ABCB5: variants seen among roughly 807,000 people sequenced by gnomAD.
The protein encoded by ABCB5 is ATP binding cassette subfamily B member 5, also known as ATP-binding cassette sub-family B member 5.
Under a neutral mutation model 144.2 loss-of-function variants are expected in ABCB5, and 155 were observed. That is an observed-to-expected ratio of 1.08 (90% CI 0.94 to 1.23). ABCB5 has a LOEUF of 1.23. Ranked by LOEUF, ABCB5 falls within the 50% of genes most tolerant of loss-of-function variation. The pLI is 0.00. For missense variants in ABCB5, 1,830 were observed against 1,520.8 expected (o/e 1.20, Z -3.38); for synonymous variants, 610 against 528.6 (o/e 1.15, Z -2.11).
intron 20 of ABCB5, among the ~76,000 whole-genome samples, chr7:20,713,994 T>G (rs1169426896): frequency 6.6e-6 from 1 of 152,226 alleles, no homozygotes; most frequent in East Asian, 1.9e-4. Context: ...CACTGCCACC[T>G]GGAAACTCTT....
At position 20,745,500 on chromosome 7, in the gene ABCB5, G is replaced by GC; in HGVS notation, c.3429+64dup. Reference sequence around the variant, plus strand: ...CCAAGTAAGGCTAAGTAGCTACTGGGCCTATGCAGTTGTTTTTATGTATTC... The same window carrying GC: ...CCAAGTAAGGCTAAGTAGCTACTGGGCCCTATGCAGTTGTTTTTATGTATTC... On this transcript the variant is annotated intron_variant, in intron 26 of 27. Coordinates refer to ENST00000404938, the MANE Select transcript of ABCB5 (RefSeq NM_001163941.2). 2.1e-6 allele frequency: 3 copies of GC among 1,460,886 alleles called. No individual in the cohort carries two copies. In the East Asian group the frequency reaches 6.9e-5, roughly 34 times the overall value. 90.5% of individuals were successfully genotyped at this position (1,460,886 alleles called of 1,614,324 possible).
chr7:20,685,401 T>C (rs1181987967), intron 15 of ABCB5, among the ~76,000 whole-genome samples: 2 of 152,194 alleles, frequency 1.3e-5, no homozygotes, highest in Non-Finnish European at 2.9e-5. Context: ...CTCCTGTTAC[T>C]AAGATCTCTC....
Position 20,715,876 on chromosome 7 carries a change from C to G in ABCB5, c.2422-7140C>G, listed in dbSNP as rs190251643. On this transcript the variant is annotated intron_variant, in intron 20 of 27. Transcript: ENST00000404938. ...CTGGGACTACAGGTGCCCACCACCA[C>G]GCCCAGCTAATTTTTGTATTTTTAG... Among the ~76,000 whole-genome samples, 69 of 152,092 alleles carry G rather than the reference C, an allele frequency of 4.5e-4. 1 individual carries two copies. In the East Asian group the frequency reaches 0.011, roughly 25 times the overall value.
chr7:20,736,709 C>T (rs573133229), intron 23 of ABCB5, among the ~76,000 whole-genome samples: 14 of 152,274 alleles, frequency 9.2e-5, no homozygotes, highest in Admixed American at 1.3e-4. Flanking sequence ...AACTATGTTA[C>T]GGAGTTACAG....
intron 15 of ABCB5, among the ~76,000 whole-genome samples, chr7:20,683,986 C>A (rs997489810): frequency 5.1e-5 from 7 of 136,136 alleles, no homozygotes; most frequent in Admixed American, 7.5e-5. Flanking sequence ...TAGTCCTTGG[C>A]AAGTTATTTA....
At chr7:20,726,369 T>TTTC (rs1343466257) in intron 21 of ABCB5, among the ~76,000 whole-genome samples, 1 of 137,936 alleles carries the variant, frequency 7.2e-6, no homozygotes, top group East Asian at 2.1e-4. Context: ...TTTTTTTTTT[T>TTTC]TTTTTTTTTT....
intron 25 of ABCB5, among the ~76,000 whole-genome samples, 166 bp downstream of exon 25, chr7:20,743,240 T>C (rs1361616609): frequency 1.3e-5 from 2 of 152,050 alleles, no homozygotes; most frequent in African/African-American, 4.8e-5. Flanking sequence ...AAGCAAACCA[T>C]CACAAAAATG....
chr7:20,624,114 C>G (rs1783858166), intron 2 of ABCB5, among the ~76,000 whole-genome samples: 1 of 152,122 alleles, frequency 6.6e-6, no homozygotes, highest in African/African-American at 2.4e-5. Context: ...GCACCTTTTC[C>G]TCATAAATTC....
In ABCB5 at chr7:20,756,046, T is replaced by C. The variant is rs2128058799; in HGVS notation, c.*422T>C. ...GCATTGCAGGGAGAGTGTCTTTCAC[T>C]TGGAATTTTGTTTTGCAGCACATAT... On this transcript the variant is annotated 3_prime_UTR_variant, in exon 28 of 28. Coordinates refer to ENST00000404938, the MANE Select transcript of ABCB5 (RefSeq NM_001163941.2). The C allele has an allele frequency of 5.9e-6, 1 of 169,420 alleles. No homozygotes were observed. The highest frequency in any genetic ancestry group is 1.5e-4 in the South Asian group (1 of 6,560). The allele number at this position is 169,420 out of a possible 1,614,324, so 10.5% of individuals were successfully genotyped here.
In ABCB5 at chr7:20,643,239, C is replaced by A; in HGVS notation, c.370C>A (p.Gln124Lys). 3 of 1,613,608 alleles carry A rather than the reference C, an allele frequency of 1.9e-6. No individual in the cohort carries two copies. Among genetic ancestry groups the A allele is most frequent in the Non-Finnish European group, 1.7e-6 (2 of 1,179,722 alleles). ...TGCTGCCTTGATTTTTGGTTACATA[C>A]AGATTTCCTTGTGGATTATAACTGC... Reference protein sequence around the residue: ...GVAALIFGYIQISLWIITAAR... With the variant: ...GVAALIFGYIKISLWIITAAR... The change falls in exon 6 of 28, where the codon CAG becomes AAG. Residue 124 changes from glutamine (Q) to lysine (K), a missense_variant. Coordinates refer to ENST00000404938, the MANE Select transcript of ABCB5 (RefSeq NM_001163941.2).
At position 20,756,772 on chromosome 7, in the gene ABCB5, C is replaced by T. The variant is rs1229332885; in HGVS notation, c.*1148C>T. 1 of 152,080 alleles carries T rather than the reference C, an allele frequency of 6.6e-6. No homozygotes were observed. Among genetic ancestry groups the T allele is most frequent in the African/African-American group, 2.4e-5 (1 of 41,388 alleles). The allele number at this position is 152,080 out of a possible 1,614,324, so 9.4% of individuals were successfully genotyped here. On this transcript the variant is annotated 3_prime_UTR_variant, in exon 28 of 28. Transcript: ENST00000404938. ...ATAATGTGTGAATGATTTTAAAGTT[C>T]TGTGTAAATAACAATATTGGTAAAA...
Position 20,727,109 on chromosome 7 carries a change from A to G in ABCB5, c.2695A>G (p.Met899Val). Residue 899 changes from methionine (M) to valine (V), a missense_variant, in exon 22 of 28, where the codon ATG (methionine) becomes GTG (valine). Coordinates refer to ENST00000404938, the MANE Select transcript of ABCB5 (RefSeq NM_001163941.2). ...SLTREKAFEQ[M>V]YEEMLQTQHR... ...AACAAGGGAAAAAGCCTTCGAGCAA[A>G]TGTATGAAGAGATGCTTCAGACTCA... The G allele has an allele frequency of 6.2e-7, 1 of 1,613,664 alleles. No homozygotes were observed. Among genetic ancestry groups the G allele is most frequent in the Non-Finnish European group, 8.5e-7 (1 of 1,179,768 alleles).
At chr7:20,650,557 A>C (rs1352042944) in intron 12 of ABCB5, among the ~76,000 whole-genome samples, 2 of 145,154 alleles carry the variant, frequency 1.4e-5, no homozygotes, top group Admixed American at 6.8e-5. Flanking sequence ...AAACATCTCC[A>C]CTTTTCTTTT....
At chr7:20,692,567 A>G (rs995726436) in intron 16 of ABCB5, among the ~76,000 whole-genome samples, 1 of 151,650 alleles carries the variant, frequency 6.6e-6, no homozygotes, top group African/African-American at 2.4e-5. Context: ...TATCAGTAAT[A>G]GTAAATATAC....
At chr7:20,701,602 ATCC>A (rs886436726) in intron 19 of ABCB5, among the ~76,000 whole-genome samples, 6 of 152,214 alleles carry the variant, frequency 3.9e-5, no homozygotes, top group African/African-American at 1.4e-4. Context: ...CTGGACATTA[ATCC>A]TCTGTCTAGC....
Position 20,745,249 on chromosome 7 carries a change from T to C in ABCB5, c.3240T>C (p.Asp1080=), listed in dbSNP as rs745815482. The change falls in exon 26 of 28, where the codon GAT becomes GAC. Residue 1080 remains aspartate, a synonymous_variant. Coordinates refer to ENST00000404938, the MANE Select transcript of ABCB5 (RefSeq NM_001163941.2). ...VQGQVLFDGV[D]AKELNVQWLR... ...TTTGGCAGCTGTTTGATGGTGTGGA[T>C]GCAAAAGAATTGAATGTACAGTGGC... 2.5e-6 allele frequency: 4 copies of C among 1,613,852 alleles called. No individual in the cohort carries two copies. The highest frequency in any genetic ancestry group is 3.4e-6 in the Non-Finnish European group (4 of 1,179,884).
intron 12 of ABCB5, 57 bp from the exon 13 acceptor site, chr7:20,651,363 C>A: frequency 2.5e-6 from 4 of 1,572,312 alleles, no homozygotes; most frequent in Middle Eastern, 1.7e-4. Context: ...GTATGAAAAA[C>A]CCTAAAATCA....
intron 21 of ABCB5, among the ~76,000 whole-genome samples, chr7:20,726,586 C>T (rs752494144): frequency 5.3e-5 from 8 of 151,972 alleles, no homozygotes; most frequent in South Asian, 2.1e-4. Context: ...AGGCTGGTTT[C>T]GAACTCCTGG....
chr7:20,678,647 A>AAAAAAC (rs1785688820), intron 14 of ABCB5, among the ~76,000 whole-genome samples: 1 of 152,144 alleles, frequency 6.6e-6, no homozygotes, highest in African/African-American at 2.4e-5. Flanking sequence ...AACAAAAAAA[A>AAAAAAC]ACACATTACC....
Sources: gnomAD v4.1 joint callset for allele counts (sites outside exome capture counted in the v4.1 genomes callset) on GRCh38, gnomAD v4.1.1 for gene constraint, MANE v1.5 for transcripts, NCBI Gene and HGNC (gene_info 2026-07-23, HGNC 2026-07-21) for gene names.